The following ANKS1A variants were observed in gnomAD, a reference collection of about 807,000 sequenced individuals.
ANKS1A encodes the protein ankyrin repeat and SAM domain-containing protein 1A.
In ANKS1A, 55 loss-of-function variants were observed where a neutral mutation model predicts 120.3. That is an observed-to-expected ratio of 0.46 (90% CI 0.37 to 0.57). The LOEUF is 0.57. Ranked by LOEUF, ANKS1A falls within the 20% of genes least tolerant of loss-of-function variation. The probability of loss-of-function intolerance (pLI) is 0.00; values close to 1 mark genes in which losing one functional copy is unlikely to be tolerated. For synonymous variants in ANKS1A, 590 were observed against 604.7 expected (o/e 0.98, Z 0.36); for missense variants, 1,123 against 1,480.3 (o/e 0.76, Z 3.96).
intron 10 of ANKS1A, among the ~76,000 whole-genome samples, chr6:35,008,376 C>G (rs1407034442): frequency 6.6e-6 from 1 of 152,060 alleles, no homozygotes; most frequent in East Asian, 1.9e-4. Context: ...GCCACCATGC[C>G]CAGCTAAAAG....
downstream of ANKS1A, among the ~76,000 whole-genome samples, chr6:35,091,727 C>T (rs1778312164): frequency 6.6e-6 from 1 of 152,202 alleles, no homozygotes; most frequent in South Asian, 2.1e-4. Context: ...GGCTTGTCCA[C>T]CCATAGACAT....
At chr6:35,029,690 A>T (rs1039383020) in intron 11 of ANKS1A, among the ~76,000 whole-genome samples, 1 of 149,652 alleles carries the variant, frequency 6.7e-6, no homozygotes. Context: ...GACTTTCCTT[A>T]CTCTAAGATT....
At chr6:34,960,749 A>C (rs550986842) in intron 1 of ANKS1A, among the ~76,000 whole-genome samples, 1 of 152,186 alleles carries the variant, frequency 6.6e-6, no homozygotes, top group East Asian at 1.9e-4. Context: ...GCATCATGTG[A>C]AAGCAGGTTA....
chr6:35,083,658 G>A (rs542359968), intron 20 of ANKS1A, among the ~76,000 whole-genome samples, 155 bp downstream of exon 20: 2 of 152,078 alleles, frequency 1.3e-5, no homozygotes, highest in Admixed American at 6.5e-5. Flanking sequence ...GCTAAGAGGC[G>A]TGTCTCTCAT....
intron 13 of ANKS1A, among the ~76,000 whole-genome samples, chr6:35,065,254 G>A (rs941319234): frequency 1.3e-5 from 2 of 151,978 alleles, no homozygotes; most frequent in Non-Finnish European, 2.9e-5. Flanking sequence ...CATTCCAGGT[G>A]ACCAGCTGGA....
chr6:35,094,835 A>AAAAG (rs34821532), downstream of ANKS1A, among the ~76,000 whole-genome samples: 27,109 of 151,864 alleles, frequency 0.18, 2,966 homozygotes, highest in African/African-American at 0.29. Context: ...AGAAGAGGGA[A>AAAAG]AAAGAGGCTA....
intron 1 of ANKS1A, among the ~76,000 whole-genome samples, chr6:34,927,136 C>T (rs1467644276): frequency 6.6e-6 from 1 of 151,532 alleles, no homozygotes; most frequent in Admixed American, 6.6e-5. Context: ...AATCATATTA[C>T]GTAAAATGGT....
chr6:34,990,719 G>A (rs1389338879), intron 9 of ANKS1A, among the ~76,000 whole-genome samples: 3 of 152,156 alleles, frequency 2.0e-5, no homozygotes, highest in African/African-American at 7.2e-5. Context: ...AGAAGTGGTG[G>A]CTGGGAGAGA....
In ANKS1A at chr6:35,090,459, CTT is replaced by C. The variant is rs1778241582; in HGVS notation, c.*1853_*1854del. 3 of 1,166,206 alleles carry C rather than the reference CTT, an allele frequency of 2.6e-6. No individual in the cohort carries two copies. Among genetic ancestry groups the C allele is most frequent in the Non-Finnish European group, 3.2e-6 (3 of 929,096 alleles). 72.2% of individuals were successfully genotyped at this position (1,166,206 alleles called of 1,614,324 possible). ...CACTACGATGCACTCCTCAAGCTGTCTTTTGTGCTTAGATCATCCATAGGTGT... is the reference window on the plus strand; with the variant it reads ...CACTACGATGCACTCCTCAAGCTGTCTTGTGCTTAGATCATCCATAGGTGT... On this transcript the variant is annotated 3_prime_UTR_variant, in exon 24 of 24. Transcript: ENST00000360359.
intron 14 of ANKS1A, 90 bp downstream of exon 14, chr6:35,078,746 G>A: frequency 7.9e-7 from 1 of 1,271,160 alleles, no homozygotes; most frequent in Non-Finnish European, 1.1e-6. Context: ...GGAGGAGCAG[G>A]GCTCCAGCAC....
At chr6:34,998,114 T>G (rs551063063) in intron 10 of ANKS1A, among the ~76,000 whole-genome samples, 2 of 152,340 alleles carry the variant, frequency 1.3e-5, no homozygotes, top group South Asian at 4.1e-4. Flanking sequence ...AAGCCTTGCC[T>G]ATCCTGGCAG....
At chr6:34,909,669 TGGG>T (rs1021089363) in intron 1 of ANKS1A, among the ~76,000 whole-genome samples, 1 of 152,098 alleles carries the variant, frequency 6.6e-6, no homozygotes, top group Non-Finnish European at 1.5e-5. Flanking sequence ...GATCTTCTGA[TGGG>T]GGAGATAGAG....
rs35301716 is a variant in ANKS1A, at chr6:34,979,477, A to T, written c.436-2213A>T. Among the ~76,000 whole-genome samples the T allele has an allele frequency of 2.0e-5, 3 of 152,338 alleles. No individual in the cohort carries two copies. In the South Asian group the frequency reaches 6.2e-4, roughly 32 times the overall value. ...CAGAGATGTGGTTAGACCATTTTTA[A>T]CATGAGGCAGGAAATTTGCCAGTAG... is the stretch of plus-strand genomic sequence containing the variant. On this transcript the variant is annotated intron_variant, in intron 3 of 23. Transcript: ENST00000360359.
chr6:35,025,272 G>A (rs555669783), intron 11 of ANKS1A, among the ~76,000 whole-genome samples: 9 of 149,850 alleles, frequency 6.0e-5, no homozygotes, highest in South Asian at 4.2e-4. Flanking sequence ...ACACACACAC[G>A]CATATATGTA....
At chr6:34,907,224 G>T (rs1038364182) in intron 1 of ANKS1A, among the ~76,000 whole-genome samples, 21 of 152,186 alleles carry the variant, frequency 1.4e-4, no homozygotes, top group African/African-American at 5.1e-4. Context: ...TAGGGTCCTG[G>T]AACAAGGGAC....
intron 10 of ANKS1A, among the ~76,000 whole-genome samples, chr6:35,016,785 G>T (rs1020551845): frequency 6.8e-6 from 1 of 147,472 alleles, no homozygotes; most frequent in African/African-American, 2.5e-5. Context: ...AAAAAAAAGA[G>T]AGAGAGAAAG....
At chr6:34,892,462 A>G (rs35786848) in intron 1 of ANKS1A, among the ~76,000 whole-genome samples, 11,094 of 150,282 alleles carry the variant, frequency 0.074, 612 homozygotes, top group East Asian at 0.23. Context: ...TTCTACCCCT[A>G]TTTGTACTGC....
At chr6:34,963,795 G>A (rs1003095095) in intron 1 of ANKS1A, among the ~76,000 whole-genome samples, 3 of 152,076 alleles carry the variant, frequency 2.0e-5, no homozygotes, top group Non-Finnish European at 2.9e-5. Context: ...TTGTCTTTTC[G>A]GTAATAGCCA....
At chr6:35,048,971 C>T (rs1775847830) in intron 11 of ANKS1A, among the ~76,000 whole-genome samples, 1 of 152,216 alleles carries the variant, frequency 6.6e-6, no homozygotes, top group African/African-American at 2.4e-5. Context: ...GTTCGGCTGC[C>T]AGTGGCACCA....
Sources: allele counts gnomAD v4.1 joint callset (sites outside exome capture counted in the v4.1 genomes callset), GRCh38; gene constraint gnomAD v4.1.1; transcripts MANE v1.5; gene names NCBI Gene and HGNC (gene_info 2026-07-23, HGNC 2026-07-21).